ZNF804B: variants seen among roughly 807,000 people sequenced by gnomAD.
ZNF804B encodes the protein zinc finger 804B.
A neutral mutation model predicts 101.4 loss-of-function variants in ZNF804B; 80 were observed. The observed-to-expected ratio is 0.79, with a 90% CI of 0.66 to 0.95. ZNF804B has a LOEUF of 0.95. Ranked by LOEUF, ZNF804B falls within the 40% of genes least tolerant of loss-of-function variation. The probability of loss-of-function intolerance (pLI) is 0.00; values close to 1 mark genes in which losing one functional copy is unlikely to be tolerated. For missense variants in ZNF804B, 1,673 were observed against 1,561.9 expected, an observed-to-expected ratio of 1.07 and a Z score of -1.20; for synonymous variants, 622 against 558.8, an observed-to-expected ratio of 1.11 and a Z score of -1.59.
chr7:89,213,393 A>C (rs1415789797), intron 1 of ZNF804B, among the ~76,000 whole-genome samples: 4 of 152,228 alleles, frequency 2.6e-5, no homozygotes, highest in Non-Finnish European at 5.9e-5. Flanking sequence ...GCTTTCATGC[A>C]AAGAATATGA....
chr7:89,288,440 G>A (rs1012467429), intron 2 of ZNF804B, among the ~76,000 whole-genome samples: 2 of 151,940 alleles, frequency 1.3e-5, no homozygotes, highest in African/African-American at 4.8e-5. Context: ...AATAAATACA[G>A]CAAAAACTAC....
At chr7:88,896,880 G>A (rs1476907238) in intron 1 of ZNF804B, among the ~76,000 whole-genome samples, 1 of 152,176 alleles carries the variant, frequency 6.6e-6, no homozygotes, top group Non-Finnish European at 1.5e-5. Context: ...TGAGAATTAT[G>A]CATGTTAATT....
chr7:89,301,599 T>C (rs2115923057), intron 2 of ZNF804B, among the ~76,000 whole-genome samples: 1 of 152,036 alleles, frequency 6.6e-6, no homozygotes, highest in African/African-American at 2.4e-5. Flanking sequence ...CCTCCAGAAT[T>C]TTATCATTAT....
chr7:89,003,341 G>T (rs1788317844), intron 1 of ZNF804B, among the ~76,000 whole-genome samples: 1 of 151,880 alleles, frequency 6.6e-6, no homozygotes, highest in Non-Finnish European at 1.5e-5. Context: ...ACATTTAGTT[G>T]TTTTGCTGGA....
intron 1 of ZNF804B, among the ~76,000 whole-genome samples, chr7:88,853,285 C>T (rs1791472706): frequency 6.6e-6 from 1 of 152,158 alleles, no homozygotes; most frequent in East Asian, 1.9e-4. Flanking sequence ...TTTCTAACAG[C>T]TGAAGGGTGA....
chr7:89,334,688 G>T lies in ZNF804B; in HGVS notation c.1706G>T (p.Ser569Ile). Reference protein sequence around the residue: ...SEPNKSEYTFSANDLEMKNPK... With the variant: ...SEPNKSEYTFIANDLEMKNPK... ...CCAAATAAGAGTGAATATACTTTCA[G>T]TGCAAATGATTTGGAAATGAAAAAT... Residue 569 changes from serine to isoleucine, a missense_variant, in exon 4 of 4, where the codon AGT becomes ATT. Ser to Ile is a moderately radical substitution (Grantham distance 142). Coordinates refer to ENST00000333190, the MANE Select transcript of ZNF804B (RefSeq NM_181646.5). 1 of 1,613,640 alleles carries T rather than the reference G, an allele frequency of 6.2e-7. No homozygotes were observed. The highest frequency in any genetic ancestry group is 8.5e-7 in the Non-Finnish European group (1 of 1,179,780).
chr7:89,197,459 C>T (rs1389790118), intron 1 of ZNF804B, among the ~76,000 whole-genome samples: 1 of 151,892 alleles, frequency 6.6e-6, no homozygotes, highest in Non-Finnish European at 1.5e-5. Context: ...AATTGTCTTC[C>T]ACTAAGTAAT....
intron 1 of ZNF804B, among the ~76,000 whole-genome samples, chr7:88,809,025 A>G (rs1052090795): frequency 6.6e-6 from 1 of 152,152 alleles, no homozygotes; most frequent in Admixed American, 6.6e-5. Flanking sequence ...AATTCTTTTA[A>G]CTCTGGAGGA....
intron 2 of ZNF804B, among the ~76,000 whole-genome samples, chr7:89,233,702 G>A (rs1195958194): frequency 6.6e-6 from 1 of 151,790 alleles, no homozygotes; most frequent in Non-Finnish European, 1.5e-5. Flanking sequence ...GCAATGGTGT[G>A]ATCTTGGCTC....
At chr7:89,323,714 T>G (rs769401881) in intron 2 of ZNF804B, among the ~76,000 whole-genome samples, 4 of 152,154 alleles carry the variant, frequency 2.6e-5, no homozygotes, top group Non-Finnish European at 5.9e-5. Context: ...ATTCACTCTT[T>G]ACCACCCGCT....
chr7:89,149,630 A>G (rs1790841934), intron 1 of ZNF804B, among the ~76,000 whole-genome samples: 1 of 152,032 alleles, frequency 6.6e-6, no homozygotes, highest in Admixed American at 6.6e-5. Flanking sequence ...ACTTGAGATA[A>G]GAGTTTCATT....
rs183512179 is a variant in ZNF804B at position 89,000,852 on chromosome 7, A to G, written c.109-217303A>G. 7.1e-4 allele frequency among the ~76,000 whole-genome samples: 107 copies of G among 149,904 alleles called. 1 individual carries two copies. The East Asian group carries it at 0.015, about 21-fold the overall frequency. On this transcript the variant is annotated intron_variant, in intron 1 of 3. Coordinates refer to ENST00000333190, the MANE Select transcript of ZNF804B (RefSeq NM_181646.5). ...CATCATATATATGACATTTATATAT[A>G]TAGAGAGATATCATATATGATATAT... is the stretch of plus-strand genomic sequence containing the variant.
chr7:88,864,052 A>G (rs914764376), intron 1 of ZNF804B, among the ~76,000 whole-genome samples: 2 of 152,180 alleles, frequency 1.3e-5, no homozygotes, highest in Non-Finnish European at 2.9e-5. Flanking sequence ...CACCACAGAA[A>G]CACACACCTG....
chr7:88,812,353 A>C (rs534496124), intron 1 of ZNF804B, among the ~76,000 whole-genome samples: 18 of 152,216 alleles, frequency 1.2e-4, no homozygotes, highest in Non-Finnish European at 2.5e-4. Context: ...TATCAAAAAA[A>C]CAGAAAATAA....
intron 1 of ZNF804B, among the ~76,000 whole-genome samples, chr7:89,140,967 C>A (rs1189830691): frequency 7.2e-6 from 1 of 139,652 alleles, no homozygotes; most frequent in Non-Finnish European, 1.6e-5. Context: ...GAGAGAAATG[C>A]AACTCTTCTT....
In ZNF804B at chr7:88,952,581, G is replaced by A. The variant is rs1035206974; in HGVS notation, c.108+192497G>A. Among the ~76,000 whole-genome samples the A allele has an allele frequency of 1.6e-4, 24 of 151,722 alleles. 1 individual carries two copies. Among genetic ancestry groups the A allele is most frequent in the African/African-American group, 2.4e-5 (1 of 41,358 alleles). ...TTTTATAAATCTAATATTAATGCAG[G>A]TTACAGAAGGGGAAAGACCTTCCTT... is the stretch of plus-strand genomic sequence containing the variant. On this transcript the variant is annotated intron_variant, in intron 1 of 3. Transcript: ENST00000333190.
chr7:89,137,854 G>C (rs10952950), intron 1 of ZNF804B, among the ~76,000 whole-genome samples: 132,733 of 152,040 alleles, frequency 0.87, 58,087 homozygotes, highest in African/African-American at 0.95. Context: ...ATCACACACC[G>C]AGAGGCCTAG....
chr7:89,332,213 A>G (rs1281639042), intron 3 of ZNF804B, among the ~76,000 whole-genome samples: 1 of 151,760 alleles, frequency 6.6e-6, no homozygotes. Context: ...TTGGTGGACA[A>G]AAGGAATGTG....
chr7:89,061,654 C>G (rs1168627542), intron 1 of ZNF804B, among the ~76,000 whole-genome samples: 1 of 152,032 alleles, frequency 6.6e-6, no homozygotes, highest in African/African-American at 2.4e-5. Flanking sequence ...GAGTTACTCA[C>G]CTCTTTGTGC....
Sources: allele counts gnomAD v4.1 joint callset (sites outside exome capture counted in the v4.1 genomes callset), GRCh38; gene constraint gnomAD v4.1.1; transcripts MANE v1.5; gene names NCBI Gene and HGNC (gene_info 2026-07-23, HGNC 2026-07-21).